Variants in DNAH7 observed in about 807,000 individuals in gnomAD.
DNAH7 encodes the protein axonemal beta dynein heavy chain 7.
DNAH7 carries 397 observed loss-of-function variants against 444.6 expected under a neutral mutation model. The ratio of observed to expected loss-of-function variants is 0.89; its 90% CI spans 0.82 to 0.97. The LOEUF is 0.97. DNAH7 is among the 50% of genes least tolerant of loss of function. The pLI is 0.00. For missense variants in DNAH7, 4,902 were observed against 4,800.8 expected (o/e 1.02, Z -0.62); for synonymous variants, 1,636 against 1,624.4 (o/e 1.01, Z -0.17).
intron 14 of DNAH7, 61 bp downstream of exon 14, chr2:195,987,005 A>G: frequency 7.1e-7 from 1 of 1,406,966 alleles, no homozygotes; most frequent in Non-Finnish European, 9.5e-7. Flanking sequence ...TAGTTGAGTG[A>G]CAGCTGATTC....
chr2:195,961,821 T>C (rs941361053), intron 17 of DNAH7, among the ~76,000 whole-genome samples: 2 of 152,124 alleles, frequency 1.3e-5, no homozygotes, highest in Admixed American at 6.5e-5. Context: ...AAAAGTATTA[T>C]ATTGCAAAAT....
chr2:195,826,691 G>A (rs1474799537), intron 48 of DNAH7, among the ~76,000 whole-genome samples: 1 of 151,966 alleles, frequency 6.6e-6, no homozygotes, highest in Non-Finnish European at 1.5e-5. Flanking sequence ...TTTCATTGTA[G>A]GATATATTAT....
Position 195,796,604 on chromosome 2 carries a change from C to T in DNAH7, c.10487G>A (p.Trp3496Ter). Reference protein sequence around the residue: ...VLQNCHLATSWMPTLEKVCEE... With the variant: ...VLQNCHLATS ...ACAGACTTTCTCAAGGGTTGGCATC[C>T]AAGAGGTGGCAAGGTGACAATTCTG... The change falls in exon 56 of 65, where the codon TGG becomes TAG. Residue 3496 changes from tryptophan (W) to a stop codon, truncating the protein, a stop_gained. Coordinates refer to ENST00000312428, the MANE Select transcript of DNAH7 (RefSeq NM_018897.3). LOFTEE classifies it high-confidence loss of function. 6.2e-7 allele frequency: 1 copy of T among 1,614,088 alleles called. No homozygotes were observed. Among genetic ancestry groups the T allele is most frequent in the Non-Finnish European group, 8.5e-7 (1 of 1,179,988 alleles).
intron 17 of DNAH7, among the ~76,000 whole-genome samples, chr2:195,962,137 C>T (rs1045275575): frequency 1.1e-4 from 17 of 151,970 alleles, no homozygotes; most frequent in African/African-American, 3.1e-4. Flanking sequence ...GAAAAGTGTT[C>T]GTTAGCTAAA....
chr2:195,987,855 T>C (rs747928172), intron 13 of DNAH7, 102 bp downstream of exon 13: 56 of 1,138,362 alleles, frequency 4.9e-5, no homozygotes, highest in Non-Finnish European at 6.2e-5. Context: ...TTCCTGTTGA[T>C]GATAATGTTC....
intron 63 of DNAH7, among the ~76,000 whole-genome samples, chr2:195,747,258 A>G (rs1279989480): frequency 1.3e-5 from 2 of 152,222 alleles, no homozygotes; most frequent in East Asian, 3.8e-4. Flanking sequence ...GAAGAAATGG[A>G]TAAATTCCAC....
At chr2:195,973,782 A>G (rs1692005970) in intron 15 of DNAH7, among the ~76,000 whole-genome samples, 1 of 152,018 alleles carries the variant, frequency 6.6e-6, no homozygotes, top group African/African-American at 2.4e-5. Flanking sequence ...CTTCCTTTGT[A>G]TTTTTAAGAA....
intron 15 of DNAH7, among the ~76,000 whole-genome samples, chr2:195,973,824 A>C (rs1692008246): frequency 6.6e-6 from 1 of 152,046 alleles, no homozygotes; most frequent in Non-Finnish European, 1.5e-5. Context: ...GTGGTGGCTC[A>C]TGCCTGTAAC....
At chr2:196,016,680 A>T (rs1185324462) in intron 9 of DNAH7, among the ~76,000 whole-genome samples, 4 of 152,200 alleles carry the variant, frequency 2.6e-5, no homozygotes, top group Non-Finnish European at 5.9e-5. Flanking sequence ...CATTCAGCAA[A>T]GTAAGCCGAG....
At position 195,796,597 on chromosome 2, in the gene DNAH7, T is replaced by G; in HGVS notation, c.10494A>C (p.Pro3498=). ...TTACCTCACAGACTTTCTCAAGGGT[T>G]GGCATCCAAGAGGTGGCAAGGTGAC... The part of the protein sequence containing the change: ...QNCHLATSWM[P]TLEKVCEELS... The change falls in exon 56 of 65, where the codon CCA becomes CCC. Residue 3498 remains proline (P), a synonymous_variant. Transcript: ENST00000312428. 1 of 1,614,160 alleles carries G rather than the reference T, an allele frequency of 6.2e-7. No homozygotes were observed. The highest frequency in any genetic ancestry group is 8.5e-7 in the Non-Finnish European group (1 of 1,180,002).
chr2:195,925,853 C>T (rs1688297689), intron 22 of DNAH7, among the ~76,000 whole-genome samples: 1 of 152,044 alleles, frequency 6.6e-6, no homozygotes. Context: ...AGAACTGCTG[C>T]AATGAATGTA....
At chr2:195,915,312 T>C (rs1001495535) in intron 24 of DNAH7, among the ~76,000 whole-genome samples, 2 of 152,142 alleles carry the variant, frequency 1.3e-5, no homozygotes, top group African/African-American at 4.8e-5. Flanking sequence ...TTAGTTGTAT[T>C]TATTGAGGAA....
chr2:195,751,870 A>G (rs982489399), intron 63 of DNAH7, among the ~76,000 whole-genome samples: 1 of 152,222 alleles, frequency 6.6e-6, no homozygotes, highest in Non-Finnish European at 1.5e-5. Flanking sequence ...GATATTATCT[A>G]TCTTCATTTT....
At chr2:195,835,620 C>T (rs367713145) in intron 47 of DNAH7, among the ~76,000 whole-genome samples, 6 of 152,052 alleles carry the variant, frequency 3.9e-5, no homozygotes, top group South Asian at 2.1e-4. Context: ...CCGAGGTAGG[C>T]GGATCATGGG....
intron 40 of DNAH7, among the ~76,000 whole-genome samples, chr2:195,867,274 A>G (rs1700399504): frequency 6.6e-6 from 1 of 152,184 alleles, no homozygotes; most frequent in Non-Finnish European, 1.5e-5. Flanking sequence ...CTCCCCAACA[A>G]GGAACCATTA....
chr2:196,056,671 C>A (rs1302369520), intron 2 of DNAH7, among the ~76,000 whole-genome samples: 2 of 152,110 alleles, frequency 1.3e-5, no homozygotes, highest in Non-Finnish European at 2.9e-5. Context: ...GAGGTCATGG[C>A]AGGACATACC....
At chr2:195,795,976 T>C (rs1286214998) in intron 56 of DNAH7, 2 of 152,434 alleles carry the variant, frequency 1.3e-5, no homozygotes, top group South Asian at 2.1e-4. Context: ...TCATTTTCTC[T>C]GTTTGTTGAG....
At chr2:195,825,309 A>G (rs1348496340) in intron 48 of DNAH7, among the ~76,000 whole-genome samples, 6 of 152,232 alleles carry the variant, frequency 3.9e-5, no homozygotes, top group East Asian at 1.9e-4. Context: ...TACATATAGT[A>G]TAACTGTTGA....
chr2:195,794,331 T>G lies in DNAH7; in HGVS notation c.10716+7A>C. 1 of 1,613,998 alleles carries G rather than the reference T, an allele frequency of 6.2e-7. No homozygotes were observed. Among genetic ancestry groups the G allele is most frequent in the Non-Finnish European group, 8.5e-7 (1 of 1,179,934 alleles). On this transcript the variant is annotated splice_region_variant and intron_variant, in intron 57 of 64. Transcript: ENST00000312428. Reference sequence around the variant, plus strand: ...GGCCGAGGTAACAAGACTTAACCATTACTAACAGGCTTTTTGCAGCTGCCA... The same window carrying G: ...GGCCGAGGTAACAAGACTTAACCATGACTAACAGGCTTTTTGCAGCTGCCA...
Sources: allele counts gnomAD v4.1 joint callset (sites outside exome capture counted in the v4.1 genomes callset), GRCh38; gene constraint gnomAD v4.1.1; transcripts MANE v1.5; gene names NCBI Gene and HGNC (gene_info 2026-07-23, HGNC 2026-07-21).